Variants in SAFB2 observed in about 807,000 individuals in gnomAD.
SAFB2 encodes the protein scaffold attachment factor B2.
A neutral mutation model predicts 100.6 loss-of-function variants in SAFB2; 32 were observed. That is an observed-to-expected ratio of 0.32 (90% confidence interval 0.24 to 0.43). The LOEUF (loss-of-function observed/expected upper bound fraction) is 0.43, where lower values mean the gene tolerates loss of function less well. Ranked by LOEUF, SAFB2 falls within the 20% of genes least tolerant of loss-of-function variation. SAFB2 has a pLI of 1.00. For missense variants in SAFB2, 1,185 were observed against 1,163.4 expected (o/e 1.02, Z -0.27); for synonymous variants, 500 against 439.4 (o/e 1.14, Z -1.72).
At chr19:5,615,003 G>C (rs553035585) in intron 4 of SAFB2, among the ~76,000 whole-genome samples, 1 of 152,290 alleles carries the variant, frequency 6.6e-6, no homozygotes, top group South Asian at 2.1e-4. Flanking sequence ...TTGAGGTCAG[G>C]AGTTCGAGAC....
At chr19:5,606,888 T>C (rs1320729896) in intron 9 of SAFB2, among the ~76,000 whole-genome samples, 1 of 152,156 alleles carries the variant, frequency 6.6e-6, no homozygotes, top group African/African-American at 2.4e-5. Flanking sequence ...GATGGGAACT[T>C]GGATATACAA....
At chr19:5,590,906 C>G (rs975103602) in intron 17 of SAFB2, among the ~76,000 whole-genome samples, 1 of 152,244 alleles carries the variant, frequency 6.6e-6, no homozygotes, top group African/African-American at 2.4e-5. Context: ...CCACCTCCCA[C>G]CTCTCCACCA....
chr19:5,620,174 T>A (rs1387686476), intron 2 of SAFB2, among the ~76,000 whole-genome samples: 6 of 152,196 alleles, frequency 3.9e-5, no homozygotes. Flanking sequence ...AACTTAAAGC[T>A]CTTATGCAAC....
In SAFB2 at chr19:5,622,662, G is replaced by T; in HGVS notation, c.54C>A (p.Leu18=). 1 of 1,608,072 alleles carries T rather than the reference G, an allele frequency of 6.2e-7. No individual in the cohort carries two copies. Among genetic ancestry groups the T allele is most frequent in the Non-Finnish European group, 8.5e-7 (1 of 1,178,810 alleles). The change falls in exon 1 of 21, where the codon CTC becomes CTA. Residue 18 remains leucine, a synonymous_variant. Transcript: ENST00000252542. ...TCCCAGTCTCCGCAACGCCCGGGCC[G>T]AGAGAAGCCGTGCCAGGGCCCGAGT... The part of the protein sequence containing the change: ...SGDSGPGTAS[L]GPGVAETGTR...
rs2052368847 is a variant in SAFB2 at position 5,590,386 on chromosome 19, C to T, written c.2417G>A (p.Gly806Asp). 6.2e-7 allele frequency: 1 copy of T among 1,610,830 alleles called. No individual in the cohort carries two copies. The highest frequency in any genetic ancestry group is 8.5e-7 in the Non-Finnish European group (1 of 1,178,780). ...DGQHYGDDRH[G>D]HGGPPERHGR... ...GTGGCGCTCTGGGGGTCCTCCGTGG[C>T]CATGGCGGTCATCTCCATAGTGCTG... The change falls in exon 18 of 21, where the codon GGC becomes GAC. Residue 806 changes from glycine to aspartate, a missense_variant. This residue lies in a region of SAFB2 where 740 missense variants were observed against 687.1 expected (regional missense o/e 1.08). Coordinates refer to ENST00000252542, the MANE Select transcript of SAFB2 (RefSeq NM_014649.3).
chr19:5,598,946 C>G (rs945446181), intron 12 of SAFB2, 62 bp from the exon 13 acceptor site: 5 of 1,486,514 alleles, frequency 3.4e-6, no homozygotes, highest in Non-Finnish European at 4.7e-6. Context: ...CCGCAGTAAA[C>G]AGCACTCTGA....
intron 7 of SAFB2, 196 bp from the exon 8 acceptor site, chr19:5,610,884 T>C (rs924138169): frequency 1.3e-5 from 10 of 781,828 alleles, no homozygotes; most frequent in African/African-American, 8.8e-5. Context: ...GTCAATTCGA[T>C]TTAGCTGAAG....
In SAFB2 at chr19:5,600,259, T is replaced by C. The variant is rs780890816; in HGVS notation, c.1561A>G (p.Thr521Ala). Residue 521 changes from threonine to alanine, a missense_variant and splice_region_variant, in exon 12 of 21, where the codon ACT (threonine) becomes GCT (alanine). Coordinates refer to ENST00000252542, the MANE Select transcript of SAFB2 (RefSeq NM_014649.3). ...HHSVEIKIEK[T>A]VIKKEEKIEK... Reference sequence around the variant, plus strand: ...ATCTTCTCTTCCTTCTTAATTACAGTTCTATTTAAAGACATGGTTATCAAA... The same window carrying C: ...ATCTTCTCTTCCTTCTTAATTACAGCTCTATTTAAAGACATGGTTATCAAA... The C allele has an allele frequency of 1.9e-6, 3 of 1,612,058 alleles. No homozygotes were observed. The highest frequency in any genetic ancestry group is 2.5e-6 in the Non-Finnish European group (3 of 1,179,444).
In SAFB2 at chr19:5,598,774, T is replaced by A. The variant is rs1286686881; in HGVS notation, c.1782+19A>T. On this transcript the variant is annotated intron_variant, in intron 13 of 20. Transcript: ENST00000252542. ...TCGTGAGAAACAGCTGGCCCTGAGATGGCAGAGGCAATACTCACTCTCTCT... is the reference window on the plus strand; with the variant it reads ...TCGTGAGAAACAGCTGGCCCTGAGAAGGCAGAGGCAATACTCACTCTCTCT... 6.2e-7 allele frequency: 1 copy of A among 1,606,242 alleles called. No homozygotes were observed. Among genetic ancestry groups the A allele is most frequent in the African/African-American group, 1.3e-5 (1 of 74,902 alleles).
intron 2 of SAFB2, among the ~76,000 whole-genome samples, chr19:5,619,706 G>C (rs1388641404): frequency 6.6e-6 from 1 of 152,186 alleles, no homozygotes; most frequent in Middle Eastern, 3.4e-3. Context: ...GTAGCTGGGC[G>C]TGGCGACGGG....
Position 5,594,173 on chromosome 19 carries a change from C to T in SAFB2, c.1925G>A (p.Arg642His), listed in dbSNP as rs771115168. ...EIRETERRRE[R>H]EQREREQRLE... ...GCGTTGCTCCCGCTCCCGCTGCTCG[C>T]GCTCCCTGCGGGGACAGGTGAGGCT... The change falls in exon 15 of 21, where the codon CGC (arginine) becomes CAC (histidine). Residue 642 changes from arginine (R) to histidine (H), a missense_variant. Physicochemically the swap from Arg to His is conservative, Grantham distance 29. Around this residue, in one of 3 missense-constraint regions of SAFB2, gnomAD observed 740 missense variants for 687.1 expected, o/e 1.08. Transcript: ENST00000252542. 44 of 1,592,464 alleles carry T rather than the reference C, an allele frequency of 2.8e-5. No homozygotes were observed. The highest frequency in any genetic ancestry group is 4.5e-5 in the South Asian group (4 of 89,490).
intron 8 of SAFB2, 115 bp downstream of exon 8, chr19:5,610,524 C>T: frequency 1.3e-6 from 1 of 769,678 alleles, no homozygotes; most frequent in East Asian, 2.7e-5. Flanking sequence ...GTGGTTGATT[C>T]CGGTAACCCA....
In SAFB2 at chr19:5,622,647, C is replaced by T. The variant is rs1474664725; in HGVS notation, c.69G>A (p.Ala23=). The T allele has an allele frequency of 3.7e-6, 6 of 1,610,108 alleles. No homozygotes were observed. The Admixed American group carries it at 6.7e-5, about 18-fold the overall frequency. ...CGCTGAGCCGCCTCGTCCCAGTCTCCGCAACGCCCGGGCCGAGAGAAGCCG... is the reference window on the plus strand; with the variant it reads ...CGCTGAGCCGCCTCGTCCCAGTCTCTGCAACGCCCGGGCCGAGAGAAGCCG... ...PGTASLGPGV[A]ETGTRRLSEL... Residue 23 remains alanine, a synonymous_variant, in exon 1 of 21, where the codon GCG becomes GCA. Transcript: ENST00000252542.
rs767387147 is a variant in SAFB2, at chr19:5,613,509, T to C, written c.562A>G (p.Lys188Glu). 1.2e-6 allele frequency: 2 copies of C among 1,614,070 alleles called. No homozygotes were observed. The highest frequency in any genetic ancestry group is 2.7e-5 in the African/African-American group (2 of 75,066). Residue 188 changes from lysine (K) to glutamate (E), a missense_variant, in exon 5 of 21, where the codon AAG (lysine) becomes GAG (glutamate). Around this residue, in one of 3 missense-constraint regions of SAFB2, gnomAD observed 351 missense variants for 341.2 expected, o/e 1.03. Coordinates refer to ENST00000252542, the MANE Select transcript of SAFB2 (RefSeq NM_014649.3). ...PEHAVDGEGF[K>E]NTLETSSLNF... is the part of the protein sequence containing the mutation. ...AACGATGAAGTTTCCAAAGTGTTCT[T>C]AAATCCTTCCCCATCCACCTGAAAA... is the stretch of plus-strand genomic sequence containing the variant.
intron 17 of SAFB2, chr19:5,591,271 G>A (rs12971910): frequency 0.56 from 79,228 of 141,314 alleles, 22,727 homozygotes; most frequent in Middle Eastern, 0.64. Context: ...AAATATTTGC[G>A]CTTTTTTTTT....
chr19:5,593,034 A>C, intron 15 of SAFB2, 147 bp from the exon 16 acceptor site: 1 of 727,974 alleles, frequency 1.4e-6, no homozygotes, highest in South Asian at 1.8e-5. Context: ...TAAACATTCG[A>C]TCATCATTGC....
chr19:5,591,674 C>G (rs1222079206), intron 17 of SAFB2, 74 bp downstream of exon 17: 2 of 1,491,006 alleles, frequency 1.3e-6, no homozygotes, highest in African/African-American at 2.8e-5. Flanking sequence ...AAGCGGCCGC[C>G]TGGCTAGAAA....
At chr19:5,589,857 C>G (rs1038599173) in intron 18 of SAFB2, among the ~76,000 whole-genome samples, 3 of 152,112 alleles carry the variant, frequency 2.0e-5, no homozygotes, top group African/African-American at 7.2e-5. Context: ...AAGATCCACC[C>G]CAGACCAACT....
At chr19:5,619,366 C>A (rs1001725248) in intron 2 of SAFB2, among the ~76,000 whole-genome samples, 2 of 152,184 alleles carry the variant, frequency 1.3e-5, no homozygotes, top group African/African-American at 4.8e-5. Flanking sequence ...CTCACTAGAG[C>A]TGAGGCTACA....
Sources: allele counts gnomAD v4.1 joint callset (sites outside exome capture counted in the v4.1 genomes callset), GRCh38; gene constraint gnomAD v4.1.1; regional missense constraint gnomAD v4.1.1; transcripts MANE v1.5; gene names NCBI Gene and HGNC (gene_info 2026-07-23, HGNC 2026-07-21).